VSTM4: variants seen among roughly 807,000 people sequenced by gnomAD.
The protein encoded by VSTM4 is V-set and transmembrane domain containing 4.
VSTM4 carries 20 observed loss-of-function variants against 36.4 expected under a neutral mutation model. The observed-to-expected ratio is 0.55, with a 90% CI of 0.39 to 0.80. The LOEUF is 0.80. VSTM4 is among the 30% of genes least tolerant of loss of function. VSTM4 has a pLI of 0.00. For missense variants in VSTM4, 392 were observed against 404.5 expected (o/e 0.97, Z 0.26); for synonymous variants, 182 against 173.9 (o/e 1.05, Z -0.37).
At chr10:49,076,792 C>T (rs941188471) in intron 4 of VSTM4, among the ~76,000 whole-genome samples, 9 of 152,302 alleles carry the variant, frequency 5.9e-5, no homozygotes, top group African/African-American at 2.2e-4. Context: ...CCAAGTGCCA[C>T]CTGCCTGCCA....
chr10:49,101,573 G>T (rs1218844150), intron 2 of VSTM4, among the ~76,000 whole-genome samples: 1 of 152,170 alleles, frequency 6.6e-6, no homozygotes. Flanking sequence ...TTCCAATTGT[G>T]ATAAATAATG....
chr10:49,109,135 A>G (rs1030810737), intron 1 of VSTM4, among the ~76,000 whole-genome samples: 22 of 151,950 alleles, frequency 1.4e-4, no homozygotes, highest in African/African-American at 4.1e-4. Flanking sequence ...ACCCCCCCAC[A>G]CAAGCAGGTG....
chr10:49,068,109 C>A (rs1844006239), intron 4 of VSTM4, among the ~76,000 whole-genome samples: 1 of 151,914 alleles, frequency 6.6e-6, no homozygotes, highest in Admixed American at 6.6e-5. Context: ...TTGGTTGAAT[C>A]CTCAGTGCAG....
Position 49,018,409 on chromosome 10 carries a change from A to G in VSTM4, c.*1241T>C, listed in dbSNP as rs983522120. 6.6e-6 allele frequency: 1 copy of G among 152,224 alleles called. No individual in the cohort carries two copies. The highest frequency in any genetic ancestry group is 2.4e-5 in the African/African-American group (1 of 41,462). The allele number at this position is 152,224 out of a possible 1,614,324, so 9.4% of individuals were successfully genotyped here. A position where few individuals can be genotyped will look rare whatever the true frequency, so the allele number is the denominator to read the frequency against. On this transcript the variant is annotated 3_prime_UTR_variant, in exon 8 of 8. Transcript: ENST00000332853. Reference sequence around the variant, plus strand: ...GGGGATAAGAAATTTAGCCAAGTTCACACAGCTATATAGAGGGCACAACTC... The same window carrying G: ...GGGGATAAGAAATTTAGCCAAGTTCGCACAGCTATATAGAGGGCACAACTC...
intron 4 of VSTM4, among the ~76,000 whole-genome samples, chr10:49,066,387 CA>C (rs2131980028): frequency 6.6e-6 from 1 of 152,276 alleles, no homozygotes; most frequent in African/African-American, 2.4e-5. Flanking sequence ...ACTTTGCTTT[CA>C]ACAAGGATTG....
chr10:49,044,033 C>T (rs937239323), intron 7 of VSTM4, among the ~76,000 whole-genome samples: 2 of 152,096 alleles, frequency 1.3e-5, no homozygotes, highest in Admixed American at 6.6e-5. Context: ...AGATAAGAAA[C>T]CTTTGTCAGG....
At chr10:49,032,315 C>T (rs972052685) in intron 7 of VSTM4, among the ~76,000 whole-genome samples, 1 of 151,248 alleles carries the variant, frequency 6.6e-6, no homozygotes, top group African/African-American at 2.4e-5. Context: ...GAGCCGGCCT[C>T]TGACCACATC....
chr10:49,036,396 T>C (rs553509471), intron 7 of VSTM4, among the ~76,000 whole-genome samples: 2 of 152,334 alleles, frequency 1.3e-5, no homozygotes, highest in African/African-American at 4.8e-5. Context: ...ATATTGTACA[T>C]GTGGTTGTGG....
Position 49,043,614 on chromosome 10 carries a change from C to CA in VSTM4, c.837+3368dup, listed in dbSNP as rs1043975188. On this transcript the variant is annotated intron_variant, in intron 7 of 7. Transcript: ENST00000332853. ...GTAATGAAGGGAAAGACACTGGACTCAAAAAAAAGGAATAAATAACAAAAC... is the reference window on the plus strand; with the variant it reads ...GTAATGAAGGGAAAGACACTGGACTCAAAAAAAAAGGAATAAATAACAAAAC... Among the ~76,000 whole-genome samples, 441 of 150,556 alleles carry CA rather than the reference C, an allele frequency of 2.9e-3. 3 individuals are homozygous for CA. Among genetic ancestry groups the CA allele is most frequent in the African/African-American group, 0.01 (415 of 41,106 alleles).
chr10:49,106,670 G>A (rs1021645721), intron 2 of VSTM4, among the ~76,000 whole-genome samples: 6 of 152,156 alleles, frequency 3.9e-5, no homozygotes, highest in Admixed American at 1.3e-4. Context: ...ACCTCCCAAC[G>A]CGTGCCTCCT....
intron 7 of VSTM4, among the ~76,000 whole-genome samples, chr10:49,033,948 C>CACCATT (rs971654104): frequency 3.4e-5 from 5 of 147,596 alleles, no homozygotes; most frequent in Non-Finnish European, 7.5e-5. Context: ...CCATCATTAT[C>CACCATT]ACCATTACCA....
chr10:49,063,141 C>T (rs1220318210), intron 5 of VSTM4, among the ~76,000 whole-genome samples: 5 of 151,672 alleles, frequency 3.3e-5, no homozygotes, highest in Admixed American at 6.6e-5. Context: ...GAGTTTGAGA[C>T]CAACCTAGAC....
chr10:49,060,955 T>A (rs1375789157), intron 5 of VSTM4, among the ~76,000 whole-genome samples: 2 of 152,190 alleles, frequency 1.3e-5, no homozygotes, highest in African/African-American at 4.8e-5. Context: ...GCCATCTCTA[T>A]CAAAAGTCAG....
chr10:49,078,512 G>T (rs1249255997), intron 3 of VSTM4, among the ~76,000 whole-genome samples: 1 of 141,024 alleles, frequency 7.1e-6, no homozygotes, highest in African/African-American at 2.8e-5. Flanking sequence ...CTCCAGAGAA[G>T]TACGCTGAGT....
chr10:49,085,167 C>A (rs1164249953), intron 3 of VSTM4, among the ~76,000 whole-genome samples: 1 of 152,256 alleles, frequency 6.6e-6, no homozygotes, highest in African/African-American at 2.4e-5. Flanking sequence ...GGGCAGGGCA[C>A]AGCCATGTGC....
intron 7 of VSTM4, among the ~76,000 whole-genome samples, chr10:49,045,918 G>A (rs1843604281): frequency 6.6e-6 from 1 of 152,186 alleles, no homozygotes; most frequent in Non-Finnish European, 1.5e-5. Context: ...AACCCCAGGT[G>A]TCAAGGGAGG....
chr10:49,087,426 T>C (rs1034116656), intron 2 of VSTM4, among the ~76,000 whole-genome samples: 2 of 152,204 alleles, frequency 1.3e-5, no homozygotes, highest in Admixed American at 6.5e-5. Context: ...TTTTTTCTAA[T>C]TGAATGCCAG....
At chr10:49,105,005 AG>A (rs1377245783) in intron 2 of VSTM4, among the ~76,000 whole-genome samples, 1 of 29,992 alleles carries the variant, frequency 3.3e-5, no homozygotes, top group Non-Finnish European at 6.0e-5. Context: ...AGACAGAGAG[AG>A]AGACAGAGAG....
At chr10:49,098,827 G>C (rs948647277) in intron 2 of VSTM4, among the ~76,000 whole-genome samples, 3 of 152,226 alleles carry the variant, frequency 2.0e-5, no homozygotes, top group African/African-American at 7.2e-5. Flanking sequence ...CCCATAGGCA[G>C]ATCCACCCAT....
Sources: gnomAD v4.1 joint callset for allele counts (sites outside exome capture counted in the v4.1 genomes callset) on GRCh38, gnomAD v4.1.1 for gene constraint, MANE v1.5 for transcripts, NCBI Gene and HGNC (gene_info 2026-07-23, HGNC 2026-07-21) for gene names.